Variants in CCZ1B observed in about 807,000 individuals in gnomAD.
CCZ1B encodes the protein CCZ1B vacuolar protein trafficking and biogenesis associated, also known as vacuolar fusion protein CCZ1 homolog B.
In CCZ1B, 25 loss-of-function variants were observed where a neutral mutation model predicts 58.8. The observed-to-expected ratio is 0.43, with a 90% CI of 0.31 to 0.59. The LOEUF (loss-of-function observed/expected upper bound fraction) is 0.59. CCZ1B is among the 20% of genes least tolerant of loss of function. CCZ1B has a pLI of 0.12. For missense variants in CCZ1B, 180 were observed against 501.5 expected (o/e 0.36, Z 6.12); for synonymous variants, 66 against 173.2 (o/e 0.38, Z 4.86).
intron 6 of CCZ1B, among the ~76,000 whole-genome samples, chr7:6,821,304 C>T (rs1004288704): frequency 6.7e-6 from 1 of 150,234 alleles, no homozygotes; most frequent in African/African-American, 2.5e-5. Flanking sequence ...GCCACCACAC[C>T]CAGCCAAGAG....
chr7:6,813,108 C>T lies in CCZ1B; in HGVS notation c.781-71G>A, dbSNP rs1206528547. 8.8e-6 allele frequency: 9 copies of T among 1,024,724 alleles called. 1 individual carries two copies. The African/African-American group carries it at 1.0e-4, about 12-fold the overall frequency. 63.5% of individuals were successfully genotyped at this position (1,024,724 alleles called of 1,614,324 possible). A position where few individuals can be genotyped will look rare whatever the true frequency, so the allele number is the denominator to read the frequency against. On this transcript the variant is annotated intron_variant, in intron 8 of 14. Transcript: ENST00000316731. ...TTATTTTCCAAGCTTTGAAAAACAG[C>T]ATTATCTACTAATTGGTTCCATGCC...
rs767640391 is a variant in CCZ1B, at chr7:6,812,083, A to G, written c.843-20T>C. On this transcript the variant is annotated intron_variant, in intron 9 of 14. Coordinates refer to ENST00000316731, the MANE Select transcript of CCZ1B (RefSeq NM_198097.5). ...AGAAATCTTAAAAGCAAGAACAGAC[A>G]TGACTTGATTCAACGAGGTGAAGGA... The G allele has an allele frequency of 5.8e-6, 6 of 1,029,584 alleles. No individual in the cohort carries two copies. In the East Asian group the frequency reaches 7.1e-5, roughly 12 times the overall value. The allele number at this position is 1,029,584 out of a possible 1,614,324, so 63.8% of individuals were successfully genotyped here. A position where few individuals can be genotyped will look rare whatever the true frequency, so the allele number is the denominator to read the frequency against.
chr7:6,800,751 G>T, intron 14 of CCZ1B, among the ~76,000 whole-genome samples, 197 bp downstream of exon 14: 3 of 131,272 alleles, frequency 2.3e-5, no homozygotes, highest in African/African-American at 6.0e-5. Flanking sequence ...TTCTGCCATT[G>T]CCAAGTTTCC....
intron 7 of CCZ1B, among the ~76,000 whole-genome samples, chr7:6,818,686 A>AAAGAC (rs1783056445): frequency 1.2e-5 from 1 of 81,784 alleles, no homozygotes; most frequent in Admixed American, 1.3e-4. Flanking sequence ...AGAAAGAAAG[A>AAAGAC]AAGAAAGACA....
chr7:6,820,093 G>C, intron 6 of CCZ1B, 152 bp from the exon 7 acceptor site: 1 of 1,115,824 alleles, frequency 9.0e-7, no homozygotes. Flanking sequence ...TGAAGACATG[G>C]GTGACTGAGT....
chr7:6,808,387 AAAAAAAAAAAAC>A (rs759333650), intron 10 of CCZ1B, among the ~76,000 whole-genome samples: 22,424 of 109,060 alleles, frequency 0.21, 143 homozygotes, highest in Middle Eastern at 0.37. Flanking sequence ...AAAAAACCAA[AAAAAAAAAAAAC>A]AAAAAACAAA....
In CCZ1B at chr7:6,799,295, A is replaced by G. The variant is rs369779341; in HGVS notation, c.1394-16T>C. The G allele has an allele frequency of 5.9e-5, 63 of 1,075,384 alleles. 17 individuals carry two copies. The highest frequency in any genetic ancestry group is 7.3e-5 in the Non-Finnish European group (62 of 846,070). 66.6% of individuals were successfully genotyped at this position (1,075,384 alleles called of 1,614,324 possible). On this transcript the variant is annotated splice_polypyrimidine_tract_variant and intron_variant, in intron 14 of 14. Coordinates refer to ENST00000316731, the MANE Select transcript of CCZ1B (RefSeq NM_198097.5). ...TTGACCTCTTCTGCAACAAGGACAC[A>G]ACAGTGAGGAAGGAAGAGGCAGTCA...
At position 6,814,786 on chromosome 7, in the gene CCZ1B, A is replaced by C. The variant is rs1305143686; in HGVS notation, c.758T>G (p.Phe253Cys). ...TACCTCAGGTTCGATGTGCCTTGGG[A>C]AAAGGGAGGTGGTAAGGTATTTGTA... is the stretch of plus-strand genomic sequence containing the variant. The part of the protein sequence containing the change: ...ILYKYLTTSL[F>C]PRHIEPELAG... Residue 253 changes from phenylalanine (F) to cysteine (C), a missense_variant, in exon 8 of 15, where the codon TTC becomes TGC. Coordinates refer to ENST00000316731, the MANE Select transcript of CCZ1B (RefSeq NM_198097.5). The C allele has an allele frequency of 1.2e-6, 2 of 1,607,186 alleles. No homozygotes were observed. The highest frequency in any genetic ancestry group is 2.2e-5 in the East Asian group (1 of 44,862).
intron 12 of CCZ1B, among the ~76,000 whole-genome samples, chr7:6,803,946 T>TAAA (rs1192034108): frequency 5.1e-5 from 5 of 97,310 alleles, no homozygotes; most frequent in South Asian, 3.6e-4. Context: ...GACTCTGTCT[T>TAAA]AAAAAAAAAA....
At chr7:6,808,598 T>C (rs1486143488) in intron 10 of CCZ1B, among the ~76,000 whole-genome samples, 2 of 150,168 alleles carry the variant, frequency 1.3e-5, no homozygotes, top group Non-Finnish European at 1.5e-5. Context: ...CCTGGTTTTG[T>C]TTCCCATGGT....
rs539048769 is a variant in CCZ1B at position 6,815,638 on chromosome 7, C to G, written c.699-793G>C. On this transcript the variant is annotated intron_variant, in intron 7 of 14. Transcript: ENST00000316731. ...TTTTCTTTAACATTATATCAAGAGG[C>G]TCACCACCTGACCGCGAAGTTAAGG... Among the ~76,000 whole-genome samples the G allele has an allele frequency of 2.0e-3, 299 of 148,966 alleles. 22 individuals carry two copies. Among genetic ancestry groups the G allele is most frequent in the African/African-American group, 7.4e-3 (290 of 39,298 alleles).
chr7:6,808,108 TC>T (rs1170777981), intron 10 of CCZ1B, among the ~76,000 whole-genome samples: 1 of 115,476 alleles, frequency 8.7e-6, no homozygotes, highest in East Asian at 2.7e-4. Flanking sequence ...CAGGCCAATA[TC>T]CCTTACACCC....
At chr7:6,820,368 C>T (rs1324968537) in intron 6 of CCZ1B, among the ~76,000 whole-genome samples, 9 of 149,090 alleles carry the variant, frequency 6.0e-5, no homozygotes, top group African/African-American at 2.0e-4. Context: ...TTAGTAGAGA[C>T]AGGGTTTCAC....
intron 4 of CCZ1B, 97 bp from the exon 5 acceptor site, chr7:6,823,457 A>T: frequency 2.0e-6 from 3 of 1,527,804 alleles, no homozygotes; most frequent in Non-Finnish European, 2.7e-6. Flanking sequence ...GCCAAACAGT[A>T]TAATGTTTAT....
intron 12 of CCZ1B, among the ~76,000 whole-genome samples, chr7:6,803,685 C>T (rs992996975): frequency 6.9e-5 from 10 of 144,322 alleles, no homozygotes; most frequent in African/African-American, 1.8e-4. Flanking sequence ...ACATATGGGC[C>T]GGGCGCGGTG....
Position 6,822,251 on chromosome 7 carries a change from A to C in CCZ1B, c.522+30T>G, listed in dbSNP as rs544760253. Reference sequence around the variant, plus strand: ...TCTAAAAACCTGATGAATGCTTAGTAAAGTTATAAATGAAATTCAAAATAC... The same window carrying C: ...TCTAAAAACCTGATGAATGCTTAGTCAAGTTATAAATGAAATTCAAAATAC... On this transcript the variant is annotated intron_variant, in intron 6 of 14. Transcript: ENST00000316731. 9.0e-6 allele frequency: 14 copies of C among 1,557,852 alleles called. 2 individuals carry two copies. Among genetic ancestry groups the C allele is most frequent in the Middle Eastern group, 1.7e-4 (1 of 5,720 alleles).
chr7:6,806,103 A>AATC, intron 10 of CCZ1B, 66 bp from the exon 11 acceptor site: 1 of 799,294 alleles, frequency 1.3e-6, no homozygotes. Context: ...GTATAATAAC[A>AATC]ATCTGTTCAA....
At chr7:6,800,761 C>T (rs1160699062) in intron 14 of CCZ1B, among the ~76,000 whole-genome samples, 187 bp downstream of exon 14, 1 of 131,282 alleles carries the variant, frequency 7.6e-6, no homozygotes, top group Non-Finnish European at 1.6e-5. Flanking sequence ...GCCAAGTTTC[C>T]TGTGCTACAG....
intron 6 of CCZ1B, 55 bp downstream of exon 6, chr7:6,822,226 T>C (rs1783123420): frequency 6.4e-7 from 1 of 1,558,594 alleles, no homozygotes; most frequent in Admixed American, 2.2e-5. Context: ...TCTATATTTC[T>C]CTAAAAACCT....
Sources: gnomAD v4.1 joint callset for allele counts (sites outside exome capture counted in the v4.1 genomes callset) on GRCh38, gnomAD v4.1.1 for gene constraint, MANE v1.5 for transcripts, NCBI Gene and HGNC (gene_info 2026-07-23, HGNC 2026-07-21) for gene names.